PRKD1: variants seen among roughly 807,000 people sequenced by gnomAD.
The protein encoded by PRKD1 is protein kinase D1.
In PRKD1, 63 loss-of-function variants were observed where a neutral mutation model predicts 95.9. That is an observed-to-expected ratio of 0.66 (90% CI 0.54 to 0.81). PRKD1 has a LOEUF of 0.81. PRKD1 is among the 30% of genes least tolerant of loss of function. The pLI, the probability that PRKD1 is intolerant of heterozygous loss-of-function variation, is 0.00. For synonymous variants in PRKD1, 425 were observed against 423.1 expected, an observed-to-expected ratio of 1.00 and a Z score of -0.05; for missense variants, 1,048 against 1,165.3, an observed-to-expected ratio of 0.90 and a Z score of 1.47.
At chr14:29,921,385 TATAAGA>T (rs1346054152) in intron 1 of PRKD1, among the ~76,000 whole-genome samples, 2 of 151,552 alleles carry the variant, frequency 1.3e-5, no homozygotes, top group Admixed American at 6.6e-5. Flanking sequence ...TATATATTGA[TATAAGA>T]ATAAGATAAT....
chr14:29,790,069 T>C (rs2139191424), intron 1 of PRKD1, among the ~76,000 whole-genome samples: 1 of 142,272 alleles, frequency 7.0e-6, no homozygotes, highest in South Asian at 2.3e-4. Context: ...TGGAGTGCAG[T>C]GGCACAATCT....
rs149817161 is a variant in PRKD1 at position 29,678,468 on chromosome 14, T to G, written c.404-12260A>C. ...TTTGAATAATTTATTAGACAAGTTT[T>G]TTTAAATTGTATGCATTCTGAAACA... On this transcript the variant is annotated intron_variant, in intron 2 of 17. Transcript: ENST00000331968. Among the ~76,000 whole-genome samples, 497 of 152,320 alleles carry G rather than the reference T, an allele frequency of 3.3e-3. 2 individuals carry two copies. The highest frequency in any genetic ancestry group is 0.011 in the African/African-American group (465 of 41,570).
At chr14:29,896,702 T>C (rs1260803321) in intron 1 of PRKD1, among the ~76,000 whole-genome samples, 3 of 144,940 alleles carry the variant, frequency 2.1e-5, no homozygotes, top group Non-Finnish European at 4.5e-5. Flanking sequence ...TTACAATTTA[T>C]TATGAGAATT....
intron 1 of PRKD1, among the ~76,000 whole-genome samples, chr14:29,776,600 G>A (rs1264249196): frequency 6.6e-6 from 1 of 152,072 alleles, no homozygotes; most frequent in Non-Finnish European, 1.5e-5. Flanking sequence ...AGAGAAAAAG[G>A]AGTAAAAGAA....
intron 1 of PRKD1, among the ~76,000 whole-genome samples, chr14:29,770,372 C>G (rs754643591): frequency 6.6e-6 from 1 of 152,082 alleles, no homozygotes; most frequent in African/African-American, 2.4e-5. Flanking sequence ...GTCTACGCTG[C>G]TATAAAAGGA....
chr14:29,754,609 T>G (rs1050269851), intron 1 of PRKD1, among the ~76,000 whole-genome samples: 1 of 152,118 alleles, frequency 6.6e-6, no homozygotes, highest in East Asian at 1.9e-4. Flanking sequence ...ATGGTTTAAC[T>G]CTTTATCATA....
intron 1 of PRKD1, among the ~76,000 whole-genome samples, chr14:29,819,648 C>T (rs1395426284): frequency 6.6e-6 from 1 of 151,900 alleles, no homozygotes; most frequent in African/African-American, 2.4e-5. Context: ...CGAGATTGCG[C>T]CACTGCACTC....
chr14:29,789,700 C>A (rs78843634), intron 1 of PRKD1, among the ~76,000 whole-genome samples: 1 of 152,110 alleles, frequency 6.6e-6, no homozygotes, highest in Non-Finnish European at 1.5e-5. Flanking sequence ...CATCTTTACA[C>A]CCCTAGACAC....
intron 10 of PRKD1, chr14:29,630,513 G>T: frequency 1.8e-6 from 1 of 552,824 alleles, no homozygotes; most frequent in Non-Finnish European, 3.1e-6. Context: ...ACCTGAATTT[G>T]TTAAATTTTA....
intron 1 of PRKD1, among the ~76,000 whole-genome samples, chr14:29,919,664 T>C (rs185950643): frequency 1.8e-4 from 27 of 150,910 alleles, no homozygotes; most frequent in Non-Finnish European, 2.2e-4. Flanking sequence ...ATTCTATCAA[T>C]AGAAAGAGGG....
intron 2 of PRKD1, among the ~76,000 whole-genome samples, chr14:29,693,699 A>G (rs1244474564): frequency 2.0e-5 from 3 of 151,654 alleles, no homozygotes; most frequent in Non-Finnish European, 1.5e-5. Flanking sequence ...TATCATTACA[A>G]TAAGGACAAG....
chr14:29,907,553 A>T (rs1276359554), intron 1 of PRKD1, among the ~76,000 whole-genome samples: 1 of 152,230 alleles, frequency 6.6e-6, no homozygotes, highest in Non-Finnish European at 1.5e-5. Context: ...TGATTGACCC[A>T]ATCTTACTAA....
intron 1 of PRKD1, among the ~76,000 whole-genome samples, chr14:29,816,259 G>A (rs984961980): frequency 2.0e-5 from 3 of 152,056 alleles, no homozygotes; most frequent in Non-Finnish European, 4.4e-5. Flanking sequence ...GCTTAGTTGT[G>A]TCAATAGCTC....
At chr14:29,675,345 C>T (rs879549144) in intron 2 of PRKD1, among the ~76,000 whole-genome samples, 1 of 152,138 alleles carries the variant, frequency 6.6e-6, no homozygotes. Flanking sequence ...CAACTCAAGA[C>T]CAAAATTGAG....
intron 1 of PRKD1, among the ~76,000 whole-genome samples, chr14:29,775,360 C>T (rs573114817): frequency 8.8e-4 from 134 of 152,162 alleles, no homozygotes; most frequent in Non-Finnish European, 1.4e-3. Context: ...TCGCCTCACC[C>T]GGGAAAAGCA....
chr14:29,645,874 T>A (rs1302470427), intron 4 of PRKD1, among the ~76,000 whole-genome samples: 2 of 152,118 alleles, frequency 1.3e-5, no homozygotes, highest in African/African-American at 4.8e-5. Context: ...CCTTACTCTA[T>A]TACTGTCTCA....
chr14:29,812,410 G>A (rs188068664), intron 1 of PRKD1, among the ~76,000 whole-genome samples: 392 of 152,276 alleles, frequency 2.6e-3, no homozygotes, highest in South Asian at 7.5e-3. Context: ...CAAACACTAT[G>A]TTCACCATGT....
intron 1 of PRKD1, among the ~76,000 whole-genome samples, chr14:29,731,913 G>A (rs183746716): frequency 8.8e-5 from 13 of 147,994 alleles, no homozygotes; most frequent in East Asian, 3.9e-4. Context: ...TCACTCTGGC[G>A]CCCAGGCTGG....
At chr14:29,797,970 C>T (rs1889884784) in intron 1 of PRKD1, among the ~76,000 whole-genome samples, 1 of 152,182 alleles carries the variant, frequency 6.6e-6, no homozygotes, top group East Asian at 1.9e-4. Context: ...TCAGCTACAA[C>T]TGTAATTACA....
Sources: allele counts gnomAD v4.1 joint callset (sites outside exome capture counted in the v4.1 genomes callset), GRCh38; gene constraint gnomAD v4.1.1; transcripts MANE v1.5; gene names NCBI Gene and HGNC (gene_info 2026-07-23, HGNC 2026-07-21).